DNM1L: variants seen among roughly 807,000 people sequenced by gnomAD.
DNM1L encodes dynamin 1L.
In DNM1L, 33 loss-of-function variants were observed where a neutral mutation model predicts 92.8. The observed-to-expected ratio is 0.36, with a 90% CI of 0.27 to 0.48. DNM1L has a LOEUF of 0.48. Ranked by LOEUF, DNM1L falls within the 20% of genes least tolerant of loss-of-function variation. DNM1L has a pLI of 0.99. For missense variants in DNM1L, 485 were observed against 888.8 expected, an observed-to-expected ratio of 0.55 and a Z score of 5.78; for synonymous variants, 284 against 305.0, an observed-to-expected ratio of 0.93 and a Z score of 0.72.
chr12:32,736,364 C>T (rs1047805018), intron 13 of DNM1L, among the ~76,000 whole-genome samples: 10 of 152,052 alleles, frequency 6.6e-5, no homozygotes, highest in African/African-American at 2.2e-4. Flanking sequence ...GCACTGTGCC[C>T]GGCCAATATT....
Position 32,736,618 on chromosome 12 carries a change from C to A in DNM1L, c.1540-487C>A, listed in dbSNP as rs118068114. On this transcript the variant is annotated intron_variant, in intron 13 of 19. Coordinates refer to ENST00000549701, the MANE Select transcript of DNM1L (RefSeq NM_012062.5). Reference sequence around the variant, plus strand: ...AGGATAACCTCAACCACAGATACTTCTTCAAGATACGGTTTTATGAGGGGA... The same window carrying A: ...AGGATAACCTCAACCACAGATACTTATTCAAGATACGGTTTTATGAGGGGA... Among the ~76,000 whole-genome samples, 122 of 152,326 alleles carry A rather than the reference C, an allele frequency of 8.0e-4. 1 individual carries two copies. The highest frequency in any genetic ancestry group is 2.7e-3 in the African/African-American group (114 of 41,580).
chr12:32,728,357 C>T (rs1326490256), intron 9 of DNM1L: 2 of 152,080 alleles, frequency 1.3e-5, no homozygotes, highest in African/African-American at 4.8e-5. Context: ...AATAGATTAC[C>T]ACAAATGGGC....
At chr12:32,727,140 T>C (rs1340143111) in intron 9 of DNM1L, 6 of 768,266 alleles carry the variant, frequency 7.8e-6, no homozygotes, top group South Asian at 2.8e-5. Flanking sequence ...TGAAATCTCA[T>C]CTTCTTCATC....
rs1955472716 is a variant in DNM1L at position 32,743,693 on chromosome 12, T to G, written c.*283T>G. The G allele has an allele frequency of 2.3e-6, 1 of 440,740 alleles. No homozygotes were observed. The highest frequency in any genetic ancestry group is 4.1e-6 in the Non-Finnish European group (1 of 243,020). 27.3% of individuals were successfully genotyped at this position (440,740 alleles called of 1,614,324 possible). On this transcript the variant is annotated 3_prime_UTR_variant, in exon 20 of 20. Transcript: ENST00000549701. ...CTTAACTTAAAAACAACTGTTAATG[T>G]TCTAGTTGTGCAAAGCAGTTTGCCT...
chr12:32,695,495 C>T (rs1490643539), intron 1 of DNM1L, among the ~76,000 whole-genome samples: 1 of 152,202 alleles, frequency 6.6e-6, no homozygotes, highest in Non-Finnish European at 1.5e-5. Context: ...AATGGCTGGA[C>T]ATGGTGGCTC....
chr12:32,740,684 C>T lies in DNM1L; in HGVS notation c.1994+166C>T, dbSNP rs142938077. On this transcript the variant is annotated intron_variant, in intron 18 of 19. Coordinates refer to ENST00000549701, the MANE Select transcript of DNM1L (RefSeq NM_012062.5). ...CTTGTAGCAAGACCCATTTTGTTAA[C>T]ATAGAATGACTAGGACCTCATGTAT... 4.4e-3 allele frequency among the ~76,000 whole-genome samples: 669 copies of T among 152,292 alleles called. 5 individuals carry two copies. The highest frequency in any genetic ancestry group is 0.014 in the Middle Eastern group (4 of 294).
At chr12:32,690,058 A>G (rs1055144768) in intron 1 of DNM1L, among the ~76,000 whole-genome samples, 9 of 152,188 alleles carry the variant, frequency 5.9e-5, no homozygotes, top group African/African-American at 2.2e-4. Flanking sequence ...GATTTTTGCC[A>G]CTTTAGAACT....
chr12:32,690,309 T>C (rs1952184123), intron 1 of DNM1L, among the ~76,000 whole-genome samples: 1 of 152,202 alleles, frequency 6.6e-6, no homozygotes, highest in Non-Finnish European at 1.5e-5. Flanking sequence ...TTGGTAGATT[T>C]AGTTGAAAGG....
intron 6 of DNM1L, among the ~76,000 whole-genome samples, chr12:32,717,913 A>ATGTATTT (rs1953578537): frequency 1.2e-5 from 1 of 81,454 alleles, no homozygotes; most frequent in Non-Finnish European, 2.3e-5. Context: ...GTATATATAT[A>ATGTATTT]AAATATAGTA....
At chr12:32,680,264 C>CA (rs1197476886) in intron 1 of DNM1L, among the ~76,000 whole-genome samples, 1 of 152,062 alleles carries the variant, frequency 6.6e-6, no homozygotes, top group Non-Finnish European at 1.5e-5. Flanking sequence ...TCTAGAGTGA[C>CA]AGAGGAGAAG....
intron 9 of DNM1L, chr12:32,727,367 C>T (rs558230428): frequency 1.0e-5 from 8 of 781,270 alleles, no homozygotes; most frequent in Middle Eastern, 3.5e-4. Flanking sequence ...TTGTCAATGT[C>T]TGCCATGTTG....
intron 2 of DNM1L, among the ~76,000 whole-genome samples, chr12:32,702,663 G>A (rs1425649041): frequency 1.3e-5 from 2 of 151,534 alleles, no homozygotes; most frequent in East Asian, 3.9e-4. Context: ...TACTGTAGGA[G>A]CTGTTGGTGG....
intron 9 of DNM1L, chr12:32,728,950 ATTATTTT>A (rs911437397): frequency 4.6e-5 from 7 of 151,370 alleles, no homozygotes; most frequent in Admixed American, 2.6e-4. Flanking sequence ...CGCCCGGCTA[ATTATTTT>A]TTATTTTTTA....
Position 32,718,644 on chromosome 12 carries a change from TCGCAGAA to T in DNM1L, c.623_629del (p.Arg208ProfsTer2). The T allele has an allele frequency of 6.2e-7, 1 of 1,613,884 alleles. No individual in the cohort carries two copies. Among genetic ancestry groups the T allele is most frequent in the Non-Finnish European group, 8.5e-7 (1 of 1,179,858 alleles). On this transcript the variant is annotated frameshift_variant and splice_region_variant, in exon 7 of 20. Coordinates refer to ENST00000549701, the MANE Select transcript of DNM1L (RefSeq NM_012062.5). LOFTEE classifies it high-confidence loss of function. ...CTTTTTTCTTTTTGCATTTACCAGG[TCGCAGAA>T]CCCTAGCTGTAATCACTAAACTTGA...
chr12:32,684,244 G>T (rs1417903165), intron 1 of DNM1L, among the ~76,000 whole-genome samples: 3 of 152,210 alleles, frequency 2.0e-5, no homozygotes, highest in Non-Finnish European at 4.4e-5. Context: ...CCACGTGGGT[G>T]AGGGTCCATC....
At chr12:32,680,946 CAG>C (rs1372947587) in intron 1 of DNM1L, among the ~76,000 whole-genome samples, 2 of 152,174 alleles carry the variant, frequency 1.3e-5, no homozygotes, top group Non-Finnish European at 2.9e-5. Flanking sequence ...AAGAGAGTCT[CAG>C]TGCTTTTTAA....
At chr12:32,701,276 C>CAAA (rs373760863) in intron 1 of DNM1L, 139 bp from the exon 2 acceptor site, 112 of 596,550 alleles carry the variant, frequency 1.9e-4, no homozygotes, top group South Asian at 2.5e-4. Context: ...AACTCCGTCT[C>CAAA]AAAAAAAAAA....
intron 1 of DNM1L, among the ~76,000 whole-genome samples, chr12:32,687,276 T>C (rs1375003727): frequency 6.6e-6 from 1 of 152,158 alleles, no homozygotes; most frequent in East Asian, 1.9e-4. Context: ...TTGGCTTGTA[T>C]ATTTAGGCTT....
intron 1 of DNM1L, among the ~76,000 whole-genome samples, chr12:32,685,068 T>G (rs895913019): frequency 1.3e-5 from 2 of 151,302 alleles, no homozygotes; most frequent in Non-Finnish European, 2.9e-5. Context: ...GCCTCCCGAG[T>G]AGCTGGGACT....
Sources: gnomAD v4.1 joint callset for allele counts (sites outside exome capture counted in the v4.1 genomes callset) on GRCh38, gnomAD v4.1.1 for gene constraint, MANE v1.5 for transcripts, NCBI Gene and HGNC (gene_info 2026-07-23, HGNC 2026-07-21) for gene names.